TRIM9: variants seen among roughly 807,000 people sequenced by gnomAD.
TRIM9 encodes tripartite motif containing 9, also known as E3 ubiquitin-protein ligase TRIM9.
TRIM9 carries 26 observed loss-of-function variants against 78.3 expected under a neutral mutation model. That is an observed-to-expected ratio of 0.33 (90% confidence interval 0.24 to 0.46). The LOEUF (loss-of-function observed/expected upper bound fraction) is 0.46. Among genes scored for constraint, TRIM9 ranks in the 20% least tolerant of loss-of-function variants. TRIM9 has a pLI of 1.00. For missense variants in TRIM9, 787 were observed against 1,036.4 expected (o/e 0.76, Z 3.30); for synonymous variants, 398 against 416.5 (o/e 0.96, Z 0.54).
At chr14:51,079,018 T>C (rs2140292985) in intron 1 of TRIM9, among the ~76,000 whole-genome samples, 1 of 152,326 alleles carries the variant, frequency 6.6e-6, no homozygotes, top group East Asian at 1.9e-4. Flanking sequence ...ATATGCACAA[T>C]ACAATTTATT....
At chr14:51,070,288 A>G (rs146043311) in intron 1 of TRIM9, among the ~76,000 whole-genome samples, 151 of 152,322 alleles carry the variant, frequency 9.9e-4, no homozygotes, top group African/African-American at 3.6e-3. Context: ...TGAACAATAT[A>G]TATTAAACAA....
At chr14:51,080,772 T>C (rs530485445) in intron 1 of TRIM9, among the ~76,000 whole-genome samples, 6 of 152,278 alleles carry the variant, frequency 3.9e-5, no homozygotes, top group Non-Finnish European at 7.3e-5. Flanking sequence ...CCTTATGATA[T>C]TATACTGAGG....
At chr14:51,039,122 T>G (rs2059391106) in intron 1 of TRIM9, among the ~76,000 whole-genome samples, 1 of 152,214 alleles carries the variant, frequency 6.6e-6, no homozygotes, top group Non-Finnish European at 1.5e-5. Context: ...GCACAGCTTC[T>G]TTAAAAACAA....
intron 3 of TRIM9, among the ~76,000 whole-genome samples, chr14:51,015,516 T>C (rs1169474522): frequency 1.8e-5 from 2 of 113,750 alleles, no homozygotes; most frequent in Non-Finnish European, 3.6e-5. Flanking sequence ...TTTTTTTTTT[T>C]TTTTTTTTTT....
At chr14:51,007,589 A>G (rs2055985859) in intron 5 of TRIM9, among the ~76,000 whole-genome samples, 1 of 152,216 alleles carries the variant, frequency 6.6e-6, no homozygotes, top group South Asian at 2.1e-4. Context: ...CAAGTAACCC[A>G]GTCTTCCTGT....
At chr14:51,026,244 G>A (rs1230878059) in intron 1 of TRIM9, among the ~76,000 whole-genome samples, 2 of 152,138 alleles carry the variant, frequency 1.3e-5, no homozygotes, top group Admixed American at 6.5e-5. Context: ...GATGTCTTCC[G>A]GCTCACATGA....
At chr14:51,015,936 G>A (rs940442431) in intron 3 of TRIM9, among the ~76,000 whole-genome samples, 4 of 152,078 alleles carry the variant, frequency 2.6e-5, no homozygotes, top group African/African-American at 9.7e-5. Flanking sequence ...TATAAGCTAT[G>A]CCTTCCCATT....
At chr14:50,993,184 T>G (rs533355491) in intron 7 of TRIM9, among the ~76,000 whole-genome samples, 31 of 152,214 alleles carry the variant, frequency 2.0e-4, no homozygotes, top group African/African-American at 7.0e-4. Flanking sequence ...GAGTATCCAC[T>G]GGTACCAGTG....
chr14:51,005,834 A>C (rs1345530796), intron 5 of TRIM9, among the ~76,000 whole-genome samples: 1 of 152,212 alleles, frequency 6.6e-6, no homozygotes, highest in Non-Finnish European at 1.5e-5. Context: ...ATTTGAAAAA[A>C]GGTACCAGCC....
chr14:51,024,390 A>C (rs1179338659), intron 2 of TRIM9, among the ~76,000 whole-genome samples: 1 of 152,262 alleles, frequency 6.6e-6, no homozygotes, highest in Non-Finnish European at 1.5e-5. Context: ...AAAAAAGGCA[A>C]AGAAATCAGT....
At position 51,094,590 on chromosome 14, in the gene TRIM9, A is replaced by C; in HGVS notation, c.350T>G (p.Leu117Arg). 2 of 1,610,996 alleles carry C rather than the reference A, an allele frequency of 1.2e-6. No homozygotes were observed. The highest frequency in any genetic ancestry group is 1.7e-6 in the Non-Finnish European group (2 of 1,178,676). Reference sequence around the variant, plus strand: ...ACAGGAGTTGCGGGGCACCGGGGCCAGGGCCGGTGACAAGTGGGTGGCCGG... The same window carrying C: ...ACAGGAGTTGCGGGGCACCGGGGCCCGGGCCGGTGACAAGTGGGTGGCCGG... ...PPPATHLSPA[L>R]APVPRNSCIT... Residue 117 changes from leucine to arginine, a missense_variant, in exon 1 of 13, where the codon CTG (leucine) becomes CGG (arginine). Leu to Arg is a moderately radical substitution (Grantham distance 102, BLOSUM62 -2). This residue lies in a region of TRIM9 where 352 missense variants were observed against 472.3 expected (regional missense o/e 0.75). Coordinates refer to ENST00000684578, the MANE Select transcript of TRIM9 (RefSeq NM_001387360.1).
rs546454837 is a variant in TRIM9 at position 51,053,023 on chromosome 14, G to A, written c.823-27663C>T. Among the ~76,000 whole-genome samples, 7 of 152,070 alleles carry A rather than the reference G, an allele frequency of 4.6e-5. 1 individual carries two copies. The highest frequency in any genetic ancestry group is 4.2e-4 in the South Asian group (2 of 4,808). On this transcript the variant is annotated intron_variant, in intron 1 of 12. Transcript: ENST00000684578. ...ATGTACAAGGACAACAGCCAGGTGC[G>A]GTGGTGGGCACCTGTAGTCCTAGCT...
chr14:51,065,641 A>T (rs1011832325), intron 1 of TRIM9, among the ~76,000 whole-genome samples: 1 of 152,198 alleles, frequency 6.6e-6, no homozygotes, highest in Admixed American at 6.5e-5. Context: ...ATTTAAGCTG[A>T]TGAGGGTTTT....
intron 3 of TRIM9, among the ~76,000 whole-genome samples, chr14:51,013,852 G>C (rs2056854958): frequency 6.6e-6 from 1 of 152,278 alleles, no homozygotes; most frequent in South Asian, 2.1e-4. Flanking sequence ...AAAAATTAAA[G>C]AGAGGTGACC....
intron 1 of TRIM9, among the ~76,000 whole-genome samples, chr14:51,057,374 C>A (rs1037242026): frequency 6.6e-6 from 1 of 152,080 alleles, no homozygotes; most frequent in African/African-American, 2.4e-5. Flanking sequence ...ACAGATATTT[C>A]CTTAATTTTC....
chr14:51,093,318 C>A (rs1596343410), intron 1 of TRIM9, among the ~76,000 whole-genome samples: 1 of 152,328 alleles, frequency 6.6e-6, no homozygotes, highest in East Asian at 1.9e-4. Context: ...GAGGAAAGGG[C>A]TTGAATTCCG....
At chr14:51,091,145 A>G (rs1207007617) in intron 1 of TRIM9, 1 of 152,170 alleles carries the variant, frequency 6.6e-6, no homozygotes, top group East Asian at 1.9e-4. Context: ...TATTATTATT[A>G]TTATTCATGT....
At chr14:51,048,159 G>C (rs942408522) in intron 1 of TRIM9, among the ~76,000 whole-genome samples, 6 of 152,330 alleles carry the variant, frequency 3.9e-5, no homozygotes, top group Non-Finnish European at 8.8e-5. Context: ...CCAACTATCT[G>C]AAAGTGCAGA....
intron 1 of TRIM9, among the ~76,000 whole-genome samples, chr14:51,077,435 C>G (rs1473416220): frequency 7.7e-6 from 1 of 129,776 alleles, no homozygotes; most frequent in Non-Finnish European, 1.6e-5. Context: ...CTCTGTTGTC[C>G]AGGCTGGAGT....
Sources: gnomAD v4.1 joint callset for allele counts (sites outside exome capture counted in the v4.1 genomes callset) on GRCh38, gnomAD v4.1.1 for gene constraint, gnomAD v4.1.1 regional missense constraint, MANE v1.5 for transcripts, NCBI Gene and HGNC (gene_info 2026-07-23, HGNC 2026-07-21) for gene names.